The following TOM1L2 variants were observed in gnomAD, a reference collection of about 807,000 sequenced individuals.
TOM1L2 encodes TOM1-like protein 2.
A neutral mutation model predicts 67.9 loss-of-function variants in TOM1L2; 31 were observed. That is an observed-to-expected ratio of 0.46 (90% CI 0.34 to 0.62). The LOEUF is 0.62. TOM1L2 is among the 20% of genes least tolerant of loss of function. The pLI is 0.01. For missense variants in TOM1L2, 606 were observed against 663.5 expected (o/e 0.91, Z 0.95); for synonymous variants, 256 against 254.0 (o/e 1.01, Z -0.07).
intron 6 of TOM1L2, among the ~76,000 whole-genome samples, chr17:17,880,359 AC>A (rs1337983029): frequency 1.3e-5 from 2 of 152,134 alleles, no homozygotes; most frequent in African/African-American, 4.8e-5. Context: ...CTTGAAAAAT[AC>A]CCAAGTTGCC....
intron 1 of TOM1L2, among the ~76,000 whole-genome samples, chr17:17,919,950 T>G (rs1040661335): frequency 1.3e-5 from 2 of 151,722 alleles, no homozygotes; most frequent in African/African-American, 4.8e-5. Flanking sequence ...AGAGAGGAGG[T>G]AGCAATACTG....
intron 1 of TOM1L2, among the ~76,000 whole-genome samples, chr17:17,937,867 A>T (rs763691164): frequency 6.6e-6 from 1 of 152,194 alleles, no homozygotes; most frequent in Non-Finnish European, 1.5e-5. Flanking sequence ...CATAGCTCTT[A>T]AGCTTAAAGA....
intron 12 of TOM1L2, among the ~76,000 whole-genome samples, chr17:17,852,547 T>C (rs1391655502): frequency 2.6e-5 from 4 of 152,196 alleles, no homozygotes; most frequent in Non-Finnish European, 5.9e-5. Flanking sequence ...TGCTCATTAT[T>C]TCTTTGACTT....
At chr17:17,897,148 T>C (rs1342859814) in intron 3 of TOM1L2, among the ~76,000 whole-genome samples, 1 of 152,212 alleles carries the variant, frequency 6.6e-6, no homozygotes, top group African/African-American at 2.4e-5. Context: ...TAAATGGAGA[T>C]GTTTTAGATA....
At chr17:17,865,745 T>A (rs2036811732) in intron 10 of TOM1L2, among the ~76,000 whole-genome samples, 1 of 142,410 alleles carries the variant, frequency 7.0e-6, no homozygotes, top group Non-Finnish European at 1.5e-5. Context: ...GACCTTTCTT[T>A]TTTTTTTTTT....
intron 1 of TOM1L2, among the ~76,000 whole-genome samples, chr17:17,970,202 A>AC (rs1248547346): frequency 2.7e-5 from 4 of 150,582 alleles, no homozygotes; most frequent in Non-Finnish European, 5.9e-5. Flanking sequence ...CTACAGGCGC[A>AC]TGCCACCACG....
At chr17:17,848,416 C>G (rs995590246) in intron 14 of TOM1L2, among the ~76,000 whole-genome samples, 1 of 152,092 alleles carries the variant, frequency 6.6e-6, no homozygotes, top group Non-Finnish European at 1.5e-5. Flanking sequence ...ACTAAGACCC[C>G]GCTGCTCCCA....
At chr17:17,871,353 A>C (rs1163745950) in intron 7 of TOM1L2, among the ~76,000 whole-genome samples, 3 of 151,760 alleles carry the variant, frequency 2.0e-5, no homozygotes, top group Non-Finnish European at 2.9e-5. Context: ...ACTGGGAGAG[A>C]GAGCGAGACT....
chr17:17,926,245 G>C (rs1040833133), intron 1 of TOM1L2, among the ~76,000 whole-genome samples: 1 of 130,104 alleles, frequency 7.7e-6, no homozygotes, highest in Non-Finnish European at 1.6e-5. Context: ...TCATTACTTA[G>C]TCTGAACATA....
At chr17:17,932,154 G>C (rs2144710304) in intron 1 of TOM1L2, among the ~76,000 whole-genome samples, 1 of 152,264 alleles carries the variant, frequency 6.6e-6, no homozygotes, top group East Asian at 1.9e-4. Context: ...CCTTTCATGG[G>C]TGAGATGTTC....
intron 1 of TOM1L2, among the ~76,000 whole-genome samples, chr17:17,923,529 A>AT (rs1004322732): frequency 6.6e-6 from 1 of 151,450 alleles, no homozygotes. Flanking sequence ...ACAAAAAAAA[A>AT]TTTTTTTTTA....
At chr17:17,925,072 G>A (rs1469415903) in intron 1 of TOM1L2, among the ~76,000 whole-genome samples, 1 of 152,088 alleles carries the variant, frequency 6.6e-6, no homozygotes, top group Non-Finnish European at 1.5e-5. Flanking sequence ...TGAGGTGCCT[G>A]CTCTCCCTTC....
At chr17:17,947,287 G>A (rs956617953) in intron 1 of TOM1L2, among the ~76,000 whole-genome samples, 11 of 152,128 alleles carry the variant, frequency 7.2e-5, no homozygotes, top group African/African-American at 2.4e-4. Flanking sequence ...GCCTCCCAAA[G>A]TGCTGGGATT....
intron 1 of TOM1L2, among the ~76,000 whole-genome samples, chr17:17,919,869 C>T (rs140644692): frequency 1.3e-5 from 2 of 152,290 alleles, no homozygotes; most frequent in East Asian, 1.9e-4. Context: ...ACGCCCCAGC[C>T]GCCAGGAAGG....
intron 3 of TOM1L2, 61 bp downstream of exon 3, chr17:17,898,535 G>T: frequency 6.4e-7 from 1 of 1,567,804 alleles, no homozygotes. Context: ...TGTGAGGGGG[G>T]CAAGGCCAGG....
chr17:17,920,335 ATTTTTTTT>A (rs771122365), intron 1 of TOM1L2, among the ~76,000 whole-genome samples: 2 of 93,252 alleles, frequency 2.1e-5, no homozygotes, highest in African/African-American at 4.8e-5. Flanking sequence ...AATGTTCAAT[ATTTTTTTT>A]TTTTTTTTTT....
intron 12 of TOM1L2, among the ~76,000 whole-genome samples, chr17:17,857,489 A>T (rs1328482726): frequency 6.6e-6 from 1 of 152,130 alleles, no homozygotes; most frequent in Non-Finnish European, 1.5e-5. Flanking sequence ...AGCTCCGGAG[A>T]CAGTAAAAGG....
At chr17:17,965,837 G>A (rs1332717922) in intron 1 of TOM1L2, among the ~76,000 whole-genome samples, 2 of 152,022 alleles carry the variant, frequency 1.3e-5, no homozygotes, top group South Asian at 2.1e-4. Flanking sequence ...CCCCAAAAAC[G>A]GGGCCGGGCA....
At position 17,943,244 on chromosome 17, in the gene TOM1L2, G is replaced by A. The variant is rs543927257; in HGVS notation, c.52+29018C>T. On this transcript the variant is annotated intron_variant, in intron 1 of 14. Transcript: ENST00000379504. ...GGGGTATGTTCTGTCCCCAAATTCT[G>A]AGTCCTCTCCAATCCACTGTAACAG... Among the ~76,000 whole-genome samples the A allele has an allele frequency of 2.6e-5, 4 of 152,304 alleles. No individual in the cohort carries two copies. In the South Asian group the frequency reaches 8.3e-4, roughly 32 times the overall value.
Sources: gnomAD v4.1 joint callset for allele counts (sites outside exome capture counted in the v4.1 genomes callset) on GRCh38, gnomAD v4.1.1 for gene constraint, MANE v1.5 for transcripts, NCBI Gene and HGNC (gene_info 2026-07-23, HGNC 2026-07-21) for gene names.